The following MAP3K14 variants were observed in gnomAD, a reference collection of about 807,000 sequenced individuals.
MAP3K14 encodes NF-kappa-beta-inducing kinase.
A neutral mutation model predicts 99.2 loss-of-function variants in MAP3K14; 16 were observed. The observed-to-expected ratio is 0.16, with a 90% confidence interval of 0.11 to 0.24. The LOEUF is 0.24. Among genes scored for constraint, MAP3K14 ranks in the 10% least tolerant of loss-of-function variants. The probability of loss-of-function intolerance (pLI) is 1.00; values close to 1 mark genes in which losing one functional copy is unlikely to be tolerated. For missense variants in MAP3K14, 784 were observed against 1,208.7 expected, an observed-to-expected ratio of 0.65 and a Z score of 5.21; for synonymous variants, 462 against 492.4, an observed-to-expected ratio of 0.94 and a Z score of 0.82.
rs2044148567 is a variant in MAP3K14 at position 45,272,512 on chromosome 17, T to C, written c.1657+991A>G. On this transcript the variant is annotated intron_variant, in intron 9 of 15. Coordinates refer to ENST00000344686, the MANE Select transcript of MAP3K14 (RefSeq NM_003954.5). This position sits in a 1 kb window ranked among gnomAD's most constrained non-coding sequence, Gnocchi z 4.1. Reference sequence around the variant, plus strand: ...ACACACAATCATATACTTCCAAAGATTCTTTTTCCGTTGGTCAAAATGAAA... The same window carrying C: ...ACACACAATCATATACTTCCAAAGACTCTTTTTCCGTTGGTCAAAATGAAA... 6.6e-6 allele frequency among the ~76,000 whole-genome samples: 1 copy of C among 152,242 alleles called. No homozygotes were observed. The highest frequency in any genetic ancestry group is 1.5e-5 in the Non-Finnish European group (1 of 68,048).
intron 1 of MAP3K14, among the ~76,000 whole-genome samples, chr17:45,304,165 G>A (rs989717472): frequency 1.3e-4 from 20 of 149,790 alleles, no homozygotes; most frequent in African/African-American, 4.9e-4. Context: ...CACCACATCC[G>A]GCTAATTTTT....
intron 1 of MAP3K14, among the ~76,000 whole-genome samples, chr17:45,296,235 C>A (rs969578442): frequency 6.6e-6 from 1 of 152,078 alleles, no homozygotes; most frequent in Non-Finnish European, 1.5e-5. Flanking sequence ...ACTCAAAGTG[C>A]GGGGCTGGGC....
At chr17:45,289,838 C>T (rs2143828966) in intron 2 of MAP3K14, among the ~76,000 whole-genome samples, 1 of 152,326 alleles carries the variant, frequency 6.6e-6, no homozygotes, top group Admixed American at 6.5e-5. Context: ...GGCTGTCCAG[C>T]TCTCCAGGTT....
intron 9 of MAP3K14, 119 bp downstream of exon 9, chr17:45,273,384 G>C (rs530011228): frequency 2.8e-6 from 2 of 706,174 alleles, no homozygotes; most frequent in South Asian, 3.6e-5. Context: ...GGCTGGTTGC[G>C]GGGCTTAAAC....
At chr17:45,299,815 C>A (rs990494572) in intron 1 of MAP3K14, among the ~76,000 whole-genome samples, 2 of 152,178 alleles carry the variant, frequency 1.3e-5, no homozygotes, top group African/African-American at 2.4e-5. Context: ...CTCGGCCAGG[C>A]ATGGTGGCTC....
Position 45,264,559 on chromosome 17 carries a change from C to T in MAP3K14, c.*77G>A. On this transcript the variant is annotated 3_prime_UTR_variant, in exon 16 of 16. Transcript: ENST00000344686. ...GGCAGATCCCTGGGAACGGCTGAGC[C>T]TGTGTTTCAGGGCAGCATCGTGCAC... 2.8e-6 allele frequency: 4 copies of T among 1,446,614 alleles called. No individual in the cohort carries two copies. The highest frequency in any genetic ancestry group is 3.7e-6 in the Non-Finnish European group (4 of 1,094,036). 89.6% of individuals were successfully genotyped at this position (1,446,614 alleles called of 1,614,324 possible).
chr17:45,292,284 G>T (rs1353526883), intron 1 of MAP3K14, among the ~76,000 whole-genome samples: 2 of 152,224 alleles, frequency 1.3e-5, no homozygotes, highest in Admixed American at 1.3e-4. Context: ...GTCTGAGGGG[G>T]CCGGACATGG....
intron 1 of MAP3K14, among the ~76,000 whole-genome samples, chr17:45,305,424 G>C (rs1384927181): frequency 2.3e-5 from 3 of 131,330 alleles, no homozygotes; most frequent in Non-Finnish European, 3.2e-5. Context: ...GTGAGACAGA[G>C]TCTTGCTGTC....
intron 1 of MAP3K14, among the ~76,000 whole-genome samples, chr17:45,297,602 T>G (rs939409780): frequency 1.3e-5 from 2 of 152,070 alleles, no homozygotes; most frequent in Admixed American, 1.3e-4. Context: ...CACTGAAGGA[T>G]GTACTTTGCA....
chr17:45,269,376 A>C (rs1220921955), intron 11 of MAP3K14, among the ~76,000 whole-genome samples: 1 of 152,128 alleles, frequency 6.6e-6, no homozygotes, highest in Non-Finnish European at 1.5e-5. Flanking sequence ...CATAACCCTT[A>C]TGATACTAGT....
At chr17:45,300,556 G>A (rs2044379208) in intron 1 of MAP3K14, among the ~76,000 whole-genome samples, 1 of 152,122 alleles carries the variant, frequency 6.6e-6, no homozygotes, top group Non-Finnish European at 1.5e-5. Context: ...GCTGTTGTGT[G>A]GGCCACCCCA....
intron 6 of MAP3K14, among the ~76,000 whole-genome samples, chr17:45,278,251 G>A (rs1325218772): frequency 1.3e-5 from 2 of 152,086 alleles, no homozygotes; most frequent in Admixed American, 6.6e-5. Flanking sequence ...CCAAAGAGGT[G>A]GGAGGAGATA....
At chr17:45,311,729 C>T (rs1042660481) in intron 1 of MAP3K14, among the ~76,000 whole-genome samples, 1 of 152,174 alleles carries the variant, frequency 6.6e-6, no homozygotes, top group Non-Finnish European at 1.5e-5. Flanking sequence ...GCAGAGACTC[C>T]AACTCAGGTG....
chr17:45,278,334 T>TGCCCGTCTGGCC (rs1254921658), intron 6 of MAP3K14, among the ~76,000 whole-genome samples: 1 of 152,194 alleles, frequency 6.6e-6, no homozygotes, highest in Admixed American at 6.5e-5. Context: ...CCAAGCTGGC[T>TGCCCGTCTGGCC]GCCCGTCTGG....
intron 1 of MAP3K14, among the ~76,000 whole-genome samples, chr17:45,305,938 G>A (rs1241777109): frequency 2.0e-5 from 3 of 152,200 alleles, no homozygotes; most frequent in African/African-American, 7.2e-5. Flanking sequence ...TCAGCTCTGC[G>A]TGATGAACTG....
chr17:45,315,558 C>T (rs2044523927), intron 1 of MAP3K14, among the ~76,000 whole-genome samples: 1 of 152,190 alleles, frequency 6.6e-6, no homozygotes, highest in Non-Finnish European at 1.5e-5. Context: ...ACTTAAAAAA[C>T]ACCAAGAGTA....
intron 1 of MAP3K14, among the ~76,000 whole-genome samples, chr17:45,310,100 C>T (rs2044462142): frequency 7.3e-6 from 1 of 136,716 alleles, no homozygotes; most frequent in South Asian, 2.3e-4. Flanking sequence ...AATGGTGGAT[C>T]TTGGCTCACT....
In MAP3K14 at chr17:45,287,227, G is replaced by A. The variant is rs2044274532; in HGVS notation, c.464C>T (p.Ala155Val). The A allele has an allele frequency of 6.2e-7, 1 of 1,614,000 alleles. No individual in the cohort carries two copies. The highest frequency in any genetic ancestry group is 1.7e-5 in the Admixed American group (1 of 60,022). ...KRKKKSSKSL[A>V]HAGVALAKPL... Reference sequence around the variant, plus strand: ...TTTGGCCAAGGCCACTCCTGCATGAGCCAGGGACTTTGAGCTCTTCTTCTT... The same window carrying A: ...TTTGGCCAAGGCCACTCCTGCATGAACCAGGGACTTTGAGCTCTTCTTCTT... Residue 155 changes from alanine (A) to valine (V), a missense_variant, in exon 4 of 16, where the codon GCT becomes GTT. By Grantham distance (64) the Ala-to-Val change is moderately conservative. Coordinates refer to ENST00000344686, the MANE Select transcript of MAP3K14 (RefSeq NM_003954.5).
chr17:45,280,831 G>A (rs949811035), intron 6 of MAP3K14, among the ~76,000 whole-genome samples: 4 of 151,680 alleles, frequency 2.6e-5, no homozygotes, highest in Non-Finnish European at 4.4e-5. Flanking sequence ...GGCTGGTCTC[G>A]AACTCCTGAC....
Sources: gnomAD v4.1 joint callset for allele counts (sites outside exome capture counted in the v4.1 genomes callset) on GRCh38, gnomAD v4.1.1 for gene constraint, Gnocchi (gnomAD v3.1) non-coding constraint, MANE v1.5 for transcripts, NCBI Gene and HGNC (gene_info 2026-07-23, HGNC 2026-07-21) for gene names.